Variants in TANGO2 observed in about 807,000 individuals in gnomAD.
TANGO2 encodes the protein transport and golgi organization 2 homolog, also known as transport and Golgi organization protein 2 homolog.
Under a neutral mutation model 39.1 loss-of-function variants are expected in TANGO2, and 26 were observed. That is an observed-to-expected ratio of 0.67 (90% confidence interval 0.49 to 0.92). The LOEUF (loss-of-function observed/expected upper bound fraction) is 0.92, where lower values mean the gene tolerates loss of function less well. Ranked by LOEUF, TANGO2 falls within the 40% of genes least tolerant of loss-of-function variation. The probability of loss-of-function intolerance (pLI) is 0.00; values close to 1 mark genes in which losing one functional copy is unlikely to be tolerated. For missense variants in TANGO2, 326 were observed against 360.1 expected, an observed-to-expected ratio of 0.91 and a Z score of 0.77; for synonymous variants, 131 against 144.5, an observed-to-expected ratio of 0.91 and a Z score of 0.67.
chr22:20,050,621 C>G lies in TANGO2; in HGVS notation c.146-1844C>G, dbSNP rs557158507. ...TCGTGATCCGCCCGCCTTGGCCTCC[C>G]AAAGTGCTGGGATTACAGGCGTGAG... is the stretch of plus-strand genomic sequence containing the variant. On this transcript the variant is annotated intron_variant, in intron 3 of 8. Coordinates refer to ENST00000327374, the MANE Select transcript of TANGO2 (RefSeq NM_152906.7). Among the ~76,000 whole-genome samples the G allele has an allele frequency of 2.0e-5, 3 of 150,562 alleles. No individual in the cohort carries two copies. In the South Asian group the frequency reaches 6.3e-4, roughly 31 times the overall value.
chr22:20,038,336 C>A (rs1339463850), intron 2 of TANGO2, among the ~76,000 whole-genome samples: 1 of 152,178 alleles, frequency 6.6e-6, no homozygotes, highest in African/African-American at 2.4e-5. Context: ...TTACGGCAGC[C>A]CCAGGAAACT....
At chr22:20,019,617 C>T (rs1313533145), upstream of TANGO2, among the ~76,000 whole-genome samples, 1 of 152,228 alleles carries the variant, frequency 6.6e-6, no homozygotes, top group African/African-American at 2.4e-5. Flanking sequence ...CAAAGGGAAA[C>T]CTTGGTCAAC....
At chr22:20,032,346 T>C (rs2042029737) in intron 1 of TANGO2, among the ~76,000 whole-genome samples, 1 of 152,268 alleles carries the variant, frequency 6.6e-6, no homozygotes, top group Non-Finnish European at 1.5e-5. Flanking sequence ...CCTGGTGGTC[T>C]TAGCCCCTTG....
At chr22:20,037,195 G>C in intron 2 of TANGO2, 1 of 1,344,178 alleles carries the variant, frequency 7.4e-7, no homozygotes, top group Non-Finnish European at 1.0e-6. Flanking sequence ...GTGAGTGAGA[G>C]CCAGCTTGGG....
chr22:20,024,412 A>G (rs926873304), intron 1 of TANGO2, among the ~76,000 whole-genome samples: 2 of 152,172 alleles, frequency 1.3e-5, no homozygotes, highest in African/African-American at 2.4e-5. Context: ...CTCTGCTGAC[A>G]GCCACCGGGA....
At position 20,056,022 on chromosome 22, in the gene TANGO2, G is replaced by A. The variant is rs373939911; in HGVS notation, c.451+9G>A. 1.2e-6 allele frequency: 2 copies of A among 1,610,796 alleles called. No homozygotes were observed. The highest frequency in any genetic ancestry group is 1.7e-5 in the Admixed American group (1 of 60,026). On this transcript the variant is annotated intron_variant, in intron 6 of 8. Transcript: ENST00000327374. ...TATCGTTTTGACGCCAGGTGAGCCT[G>A]CCCTGGCAGCCTGATGGGGTGGGGG...
intron 3 of TANGO2, among the ~76,000 whole-genome samples, chr22:20,049,532 T>C (rs1010458268): frequency 1.1e-4 from 17 of 152,092 alleles, no homozygotes; most frequent in African/African-American, 4.1e-4. Context: ...TGGTGGTCCA[T>C]GCCTGTAATC....
rs2043636889 is a variant in TANGO2, at chr22:20,040,182, C to T, written c.57-3173C>T. Among the ~76,000 whole-genome samples, 3 of 152,210 alleles carry T rather than the reference C, an allele frequency of 2.0e-5. No homozygotes were observed. In the South Asian group the frequency reaches 6.2e-4, roughly 31 times the overall value. On this transcript the variant is annotated intron_variant, in intron 2 of 8. Transcript: ENST00000327374. ...GTATTCAATGAAATCCCTGGCAAAC[C>T]ACCAGCAATTCAGCTAAACATGACT...
intron 1 of TANGO2, among the ~76,000 whole-genome samples, chr22:20,028,270 C>T (rs2041173996): frequency 1.3e-5 from 2 of 152,318 alleles, no homozygotes; most frequent in South Asian, 4.1e-4. Context: ...TGCCACTGCA[C>T]CTGGCTAATT....
chr22:20,018,397 C>T (rs1945352962), upstream of TANGO2, among the ~76,000 whole-genome samples: 1 of 152,106 alleles, frequency 6.6e-6, no homozygotes, highest in Admixed American at 6.5e-5. Flanking sequence ...GCTGAGGGGT[C>T]GTTTCCTCCA....
chr22:20,054,723 A>C (rs1486315058), intron 5 of TANGO2: 6 of 153,292 alleles, frequency 3.9e-5, no homozygotes, highest in Non-Finnish European at 8.7e-5. Context: ...GGGGCATCGG[A>C]GGTCAGTGAG....
At chr22:20,021,466 A>G (rs1418807221) in intron 1 of TANGO2, among the ~76,000 whole-genome samples, 1 of 152,152 alleles carries the variant, frequency 6.6e-6, no homozygotes, top group Non-Finnish European at 1.5e-5. Flanking sequence ...TGAGATCGGC[A>G]GGGTTGGGAG....
At chr22:20,061,867 C>T in intron 7 of TANGO2, 184 bp downstream of exon 7, 1 of 767,896 alleles carries the variant, frequency 1.3e-6, no homozygotes, top group Non-Finnish European at 2.0e-6. Context: ...TTTCCAACAC[C>T]AGGGACTTTT....
At chr22:20,037,004 C>T (rs1447932538) in intron 2 of TANGO2, 150 bp downstream of exon 2, 2 of 1,593,716 alleles carry the variant, frequency 1.3e-6, no homozygotes, top group African/African-American at 1.3e-5. Flanking sequence ...CAGGGTCACT[C>T]AGTGTGGGAT....
At chr22:20,055,788 A>C in intron 5 of TANGO2, 155 bp from the exon 6 acceptor site, 1 of 662,472 alleles carries the variant, frequency 1.5e-6, no homozygotes, top group Non-Finnish European at 2.7e-6. Flanking sequence ...CCTGCCAGGC[A>C]CCTGAGGGGC....
intron 1 of TANGO2, among the ~76,000 whole-genome samples, chr22:20,035,696 C>G (rs1190027249): frequency 6.6e-6 from 1 of 152,156 alleles, no homozygotes; most frequent in Admixed American, 6.5e-5. Flanking sequence ...TGAGCAGGAC[C>G]TGTAGGGCCT....
chr22:20,040,404 G>A (rs183248723), intron 2 of TANGO2, among the ~76,000 whole-genome samples: 1 of 152,290 alleles, frequency 6.6e-6, no homozygotes, highest in Non-Finnish European at 1.5e-5. Context: ...GAAGCCAACA[G>A]CCCCAGCCTG....
chr22:20,044,793 A>G (rs1164124434), intron 3 of TANGO2, among the ~76,000 whole-genome samples: 1 of 152,204 alleles, frequency 6.6e-6, no homozygotes, highest in Non-Finnish European at 1.5e-5. Context: ...GAAGGTTTTC[A>G]TAGATGAAGA....
At chr22:20,050,846 T>G (rs961512020) in intron 3 of TANGO2, among the ~76,000 whole-genome samples, 1 of 150,636 alleles carries the variant, frequency 6.6e-6, no homozygotes, top group African/African-American at 2.4e-5. Context: ...TGTTGGGTTT[T>G]TTTTTTTTTT....
Sources: gnomAD v4.1 joint callset for allele counts (sites outside exome capture counted in the v4.1 genomes callset) on GRCh38, gnomAD v4.1.1 for gene constraint, MANE v1.5 for transcripts, NCBI Gene and HGNC (gene_info 2026-07-23, HGNC 2026-07-21) for gene names.